Variants in GALNT18 observed in about 807,000 individuals in gnomAD.
The protein encoded by GALNT18 is polypeptide N-acetylgalactosaminyltransferase 18, also known as GalNAc-transferase 18.
Under a neutral mutation model 69.5 loss-of-function variants are expected in GALNT18, and 44 were observed. The observed-to-expected ratio is 0.63, with a 90% CI of 0.50 to 0.81. The LOEUF is 0.81. Ranked by LOEUF, GALNT18 falls within the 40% of genes least tolerant of loss-of-function variation. GALNT18 has a pLI of 0.00. For synonymous variants in GALNT18, 364 were observed against 318.2 expected (o/e 1.14, Z -1.53); for missense variants, 715 against 810.0 (o/e 0.88, Z 1.42).
At position 11,523,555 on chromosome 11, in the gene GALNT18, T is replaced by A. The variant is rs191362060; in HGVS notation, c.236-74619A>T. Among the ~76,000 whole-genome samples the A allele has an allele frequency of 1.4e-3, 208 of 151,856 alleles. No individual in the cohort carries two copies. Among genetic ancestry groups the A allele is most frequent in the African/African-American group, 4.7e-3 (196 of 41,402 alleles). ...TAACACAGTGAAACCCCGTCTCTAC[T>A]AAAAATACAAAAAATTAGCCAGGCG... On this transcript the variant is annotated intron_variant, in intron 1 of 10. Coordinates refer to ENST00000227756, the MANE Select transcript of GALNT18 (RefSeq NM_198516.3). This position sits in a 1 kb window ranked among gnomAD's most constrained non-coding sequence, Gnocchi z 4.3.
intron 9 of GALNT18, among the ~76,000 whole-genome samples, chr11:11,301,782 G>A (rs4603300): frequency 0.25 from 37,608 of 152,144 alleles, 5,623 homozygotes; most frequent in Middle Eastern, 0.39. Flanking sequence ...GGCTGGCCTG[G>A]GCATTGGGAA....
intron 1 of GALNT18, among the ~76,000 whole-genome samples, chr11:11,453,521 C>T (rs1332655198): frequency 6.6e-6 from 1 of 152,176 alleles, no homozygotes; most frequent in African/African-American, 2.4e-5. Context: ...GCCCTCTCCC[C>T]AGTTTTTACA....
intron 1 of GALNT18, among the ~76,000 whole-genome samples, chr11:11,473,942 G>T (rs1285417511): frequency 6.6e-6 from 1 of 152,192 alleles, no homozygotes; most frequent in East Asian, 1.9e-4. Context: ...GTGCATGCCT[G>T]TAATCCCAGC....
chr11:11,286,875 G>A (rs1849205767), intron 10 of GALNT18, among the ~76,000 whole-genome samples: 1 of 152,078 alleles, frequency 6.6e-6, no homozygotes, highest in African/African-American at 2.4e-5. Flanking sequence ...AATTCTAGGT[G>A]GAAAAAACCC....
intron 1 of GALNT18, among the ~76,000 whole-genome samples, chr11:11,473,766 T>C (rs1019133865): frequency 1.3e-5 from 2 of 152,160 alleles, no homozygotes; most frequent in Non-Finnish European, 2.9e-5. Flanking sequence ...CATTGAGACT[T>C]TAATAAAATA....
chr11:11,311,154 A>G (rs1454398911), intron 9 of GALNT18, among the ~76,000 whole-genome samples: 1 of 152,204 alleles, frequency 6.6e-6, no homozygotes, highest in Non-Finnish European at 1.5e-5. Context: ...CACGCAGTAA[A>G]GAACTGCCCC....
rs1409642265 is a variant in GALNT18 at position 11,389,619 on chromosome 11, G to C, written c.596-10355C>G. Among the ~76,000 whole-genome samples the C allele has an allele frequency of 1.3e-5, 2 of 152,242 alleles. No homozygotes were observed. The highest frequency in any genetic ancestry group is 2.9e-5 in the Non-Finnish European group (2 of 68,040). ...GACTGATGTCAGCTGTGTCCAGGCAGGAGTGGACGCTGCTCCAGCCCCAGC... is the reference window on the plus strand; with the variant it reads ...GACTGATGTCAGCTGTGTCCAGGCACGAGTGGACGCTGCTCCAGCCCCAGC... On this transcript the variant is annotated intron_variant, in intron 3 of 10. Transcript: ENST00000227756. This position sits in a 1 kb window ranked among gnomAD's most constrained non-coding sequence, Gnocchi z 4.3.
chr11:11,501,095 CT>C (rs1856964292), intron 1 of GALNT18, among the ~76,000 whole-genome samples: 1 of 152,210 alleles, frequency 6.6e-6, no homozygotes, highest in African/African-American at 2.4e-5. Flanking sequence ...AAAAATGACC[CT>C]CCTATTGAAC....
chr11:11,281,269 C>A (rs948966510), intron 10 of GALNT18, among the ~76,000 whole-genome samples: 1 of 152,228 alleles, frequency 6.6e-6, no homozygotes, highest in Admixed American at 6.5e-5. Context: ...GTGGCCTGGG[C>A]AAGCCTCTCC....
chr11:11,423,426 C>A (rs141246309), intron 3 of GALNT18, among the ~76,000 whole-genome samples: 1 of 152,216 alleles, frequency 6.6e-6, no homozygotes, highest in African/African-American at 2.4e-5. Context: ...AAGCTGCCTC[C>A]CTCTCACAAG....
In GALNT18 at chr11:11,591,078, G is replaced by T. The variant is rs142208779; in HGVS notation, c.235+30281C>A. Among the ~76,000 whole-genome samples, 146 of 152,048 alleles carry T rather than the reference G, an allele frequency of 9.6e-4. No individual in the cohort carries two copies. Among genetic ancestry groups the T allele is most frequent in the South Asian group, 1.7e-3 (8 of 4,804 alleles). On this transcript the variant is annotated intron_variant, in intron 1 of 10. Coordinates refer to ENST00000227756, the MANE Select transcript of GALNT18 (RefSeq NM_198516.3). The surrounding 1 kb of genome is among the most constrained non-coding windows in gnomAD (Gnocchi z 4.8). ...TCATCATAGCAGATGACAGCTCTAT[G>T]CATGTTATTGCCCAATGGGACAAGA...
intron 6 of GALNT18, among the ~76,000 whole-genome samples, chr11:11,348,907 C>A (rs1176526634): frequency 6.6e-6 from 1 of 152,226 alleles, no homozygotes; most frequent in Non-Finnish European, 1.5e-5. Flanking sequence ...CTTAAAGACA[C>A]ATAGTACAAA....
At chr11:11,301,951 T>C (rs760983965) in intron 9 of GALNT18, among the ~76,000 whole-genome samples, 16 of 152,162 alleles carry the variant, frequency 1.1e-4, no homozygotes, top group Non-Finnish European at 2.1e-4. Context: ...AGTCTCTACC[T>C]GGGGCTGTCA....
Position 11,541,904 on chromosome 11 carries a change from C to T in GALNT18, c.235+79455G>A, listed in dbSNP as rs1382704316. Among the ~76,000 whole-genome samples, 2 of 152,174 alleles carry T rather than the reference C, an allele frequency of 1.3e-5. No individual in the cohort carries two copies. Among genetic ancestry groups the T allele is most frequent in the Non-Finnish European group, 2.9e-5 (2 of 68,038 alleles). On this transcript the variant is annotated intron_variant, in intron 1 of 10. Coordinates refer to ENST00000227756, the MANE Select transcript of GALNT18 (RefSeq NM_198516.3). The surrounding 1 kb of genome is among the most constrained non-coding windows in gnomAD (Gnocchi z 4.8). ...TCCAGAGAGCTGTCCTGACACACCT[C>T]GCTGGCCACAACCTCCTGCAGGAGA...
intron 10 of GALNT18, among the ~76,000 whole-genome samples, chr11:11,274,342 A>G (rs1025934249): frequency 2.6e-5 from 4 of 152,256 alleles, no homozygotes; most frequent in Middle Eastern, 3.4e-3. Flanking sequence ...AGTGTGACAG[A>G]ACCGTTCACT....
chr11:11,489,763 T>C lies in GALNT18; in HGVS notation c.236-40827A>G, dbSNP rs1040001295. Among the ~76,000 whole-genome samples the C allele has an allele frequency of 3.3e-5, 5 of 152,358 alleles. No homozygotes were observed. In the East Asian group the frequency reaches 5.8e-4, roughly 18 times the overall value. On this transcript the variant is annotated intron_variant, in intron 1 of 10. Coordinates refer to ENST00000227756, the MANE Select transcript of GALNT18 (RefSeq NM_198516.3). ...CTGGTCAACGAGCATATGTGTTAAC[T>C]CTTATTCCTTGTAGCAACCCAATAA... is the stretch of plus-strand genomic sequence containing the variant.
At chr11:11,510,770 C>A (rs544625384) in intron 1 of GALNT18, among the ~76,000 whole-genome samples, 11 of 152,318 alleles carry the variant, frequency 7.2e-5, no homozygotes, top group African/African-American at 2.6e-4. Context: ...AAAATGGGAT[C>A]TCTGTGACTC....
rs184952301 is a variant in GALNT18, at chr11:11,283,941, C to G, written c.1677+9088G>C. 2.6e-3 allele frequency among the ~76,000 whole-genome samples: 397 copies of G among 151,922 alleles called. 3 individuals carry two copies. The highest frequency in any genetic ancestry group is 9.2e-3 in the African/African-American group (380 of 41,234). The stretch of plus-strand genomic sequence containing the variant: ...ATTCCTAGAGCCAGGTTCCCTTCTC[C>G]AAGCCTAATTCCTCCTCCTTCTGGG... On this transcript the variant is annotated intron_variant, in intron 10 of 10. Transcript: ENST00000227756.
chr11:11,367,503 A>G (rs922454257), intron 6 of GALNT18, among the ~76,000 whole-genome samples: 1 of 152,098 alleles, frequency 6.6e-6, no homozygotes, highest in African/African-American at 2.4e-5. Context: ...TACATTTCTA[A>G]CAGCTCAATC....
Sources: gnomAD v4.1 joint callset for allele counts (sites outside exome capture counted in the v4.1 genomes callset) on GRCh38, gnomAD v4.1.1 for gene constraint, Gnocchi (gnomAD v3.1) non-coding constraint, MANE v1.5 for transcripts, NCBI Gene and HGNC (gene_info 2026-07-23, HGNC 2026-07-21) for gene names.